The following SPON2 variants were observed in gnomAD, a reference collection of about 807,000 sequenced individuals.
SPON2 encodes spondin-2.
A neutral mutation model predicts 29.9 loss-of-function variants in SPON2; 32 were observed. The ratio of observed to expected loss-of-function variants is 1.07; its 90% CI spans 0.81 to 1.44. SPON2 has a LOEUF of 1.44. Among genes scored for constraint, SPON2 ranks in the 40% most tolerant of loss-of-function variants. The pLI is 0.00. For missense variants in SPON2, 541 were observed against 455.5 expected (o/e 1.19, Z -1.71); for synonymous variants, 248 against 209.1 (o/e 1.19, Z -1.61).
At chr4:1,188,202 CAAAAAAAAAAAA>C (rs1164276990) in intron 1 of SPON2, among the ~76,000 whole-genome samples, 6 of 36,582 alleles carry the variant, frequency 1.6e-4, no homozygotes, top group South Asian at 1.2e-3. Flanking sequence ...GACTCCGTCT[CAAAAAAAAAAAA>C]AAAAAAAAAA....
chr4:1,169,831 C>T (rs1303139117), intron 5 of SPON2: 1 of 159,532 alleles, frequency 6.3e-6, no homozygotes, highest in Non-Finnish European at 1.4e-5. Context: ...CACAGGCGCT[C>T]CGTGAGGCCA....
upstream of SPON2, among the ~76,000 whole-genome samples, chr4:1,178,174 C>G (rs1163307117): frequency 6.9e-6 from 1 of 145,614 alleles, no homozygotes; most frequent in Non-Finnish European, 1.5e-5. Context: ...CCAGGCACCA[C>G]GGGCTCTGCA....
At chr4:1,203,712 A>G (rs527454457) in intron 1 of SPON2, among the ~76,000 whole-genome samples, 17 of 151,964 alleles carry the variant, frequency 1.1e-4, no homozygotes, top group Non-Finnish European at 2.1e-4. Flanking sequence ...CCGCCCTGAC[A>G]CCTATGATGC....
At chr4:1,185,599 T>C (rs558690068) in intron 1 of SPON2, among the ~76,000 whole-genome samples, 10 of 149,810 alleles carry the variant, frequency 6.7e-5, no homozygotes, top group African/African-American at 2.2e-4. Flanking sequence ...TCCCAGCCAC[T>C]TGGGAGGCTG....
chr4:1,195,426 G>A (rs1223077018), upstream of SPON2, among the ~76,000 whole-genome samples: 10 of 151,430 alleles, frequency 6.6e-5, no homozygotes, highest in African/African-American at 9.7e-5. Flanking sequence ...CTCACAGGCC[G>A]GCCAGCTTCC....
At chr4:1,192,865 A>C (rs898509833) in intron 1 of SPON2, among the ~76,000 whole-genome samples, 1 of 152,200 alleles carries the variant, frequency 6.6e-6, no homozygotes, top group African/African-American at 2.4e-5. Flanking sequence ...TCCAGCAGCC[A>C]GGGGCCCTCA....
Position 1,200,710 on chromosome 4 carries a change from G to A in SPON2, c.-234+7170C>T, listed in dbSNP as rs945099280. Reference sequence around the variant, plus strand: ...ACCCTCACAACTCTCCCATCTGCGTGGACATCGCTGGACGGGGTGGTAAGG... The same window carrying A: ...ACCCTCACAACTCTCCCATCTGCGTAGACATCGCTGGACGGGGTGGTAAGG... On this transcript the variant is annotated intron_variant, in intron 1 of 3. Transcript: ENST00000509233. 6.9e-5 allele frequency: 29 copies of A among 421,088 alleles called. No homozygotes were observed. The Admixed American group carries it at 7.4e-4, about 11-fold the overall frequency. 26.1% of individuals were successfully genotyped at this position (421,088 alleles called of 1,614,324 possible).
intron 5 of SPON2, 118 bp downstream of exon 5, chr4:1,170,284 A>C: frequency 1.1e-6 from 1 of 906,212 alleles, no homozygotes; most frequent in South Asian, 1.5e-5. Flanking sequence ...ACCATCTTGC[A>C]GTACGCACTA....
exon 1 of SPON2, chr4:1,194,991 T>TCCG (rs1314789747): frequency 4.0e-5 from 3 of 74,230 alleles, no homozygotes; most frequent in South Asian, 4.9e-4. Context: ...CGGCCTCACC[T>TCCG]CACAGCCGGC....
At chr4:1,196,074 C>G (rs933603133), upstream of SPON2, among the ~76,000 whole-genome samples, 3 of 152,220 alleles carry the variant, frequency 2.0e-5, no homozygotes, top group African/African-American at 4.8e-5. Context: ...GGACCGCCCC[C>G]TCTGGCTGCC....
intron 1 of SPON2, among the ~76,000 whole-genome samples, chr4:1,205,691 G>A (rs904666263): frequency 2.0e-5 from 3 of 152,128 alleles, no homozygotes; most frequent in African/African-American, 7.2e-5. Context: ...TTGATCAGGG[G>A]AGATGCTGGC....
At chr4:1,200,947 C>G (rs1728186322) in intron 1 of SPON2, 1 of 456,770 alleles carries the variant, frequency 2.2e-6, no homozygotes. Context: ...CCTCCTGGCT[C>G]TGTTGCAGCA....
intron 1 of SPON2, among the ~76,000 whole-genome samples, chr4:1,185,920 C>T (rs927181127): frequency 3.9e-5 from 6 of 151,956 alleles, no homozygotes; most frequent in Non-Finnish European, 8.8e-5. Flanking sequence ...ACAAAGTGGA[C>T]GTCATGAAAA....
At chr4:1,170,772 C>A (rs953462632) in intron 4 of SPON2, 196 bp from the exon 5 acceptor site, 2 of 941,724 alleles carry the variant, frequency 2.1e-6, no homozygotes, top group Non-Finnish European at 3.3e-6. Context: ...GCAGCCTCCT[C>A]GGGACGCGCG....
intron 1 of SPON2, among the ~76,000 whole-genome samples, chr4:1,206,218 G>A (rs1340141963): frequency 2.6e-5 from 4 of 152,160 alleles, no homozygotes; most frequent in Non-Finnish European, 4.4e-5. Context: ...GGGAGCCAGC[G>A]GGCAGCAGCT....
At chr4:1,174,912 C>T (rs902636341), upstream of SPON2, among the ~76,000 whole-genome samples, 2 of 152,192 alleles carry the variant, frequency 1.3e-5, no homozygotes, top group African/African-American at 4.8e-5. Context: ...CCTGCTCTGG[C>T]CTGCAGCCCT....
intron 1 of SPON2, among the ~76,000 whole-genome samples, chr4:1,204,542 C>T (rs1022122384): frequency 1.3e-5 from 2 of 152,224 alleles, no homozygotes; most frequent in African/African-American, 2.4e-5. Context: ...CAGCTCCACA[C>T]GGGGCTCCCT....
intron 1 of SPON2, among the ~76,000 whole-genome samples, chr4:1,206,667 G>A (rs920378447): frequency 4.6e-5 from 7 of 152,314 alleles, no homozygotes; most frequent in East Asian, 1.9e-4. Flanking sequence ...CTCTGCAGGC[G>A]GAGAGGGGAG....
intron 1 of SPON2, among the ~76,000 whole-genome samples, chr4:1,190,728 C>A (rs1560208979): frequency 6.6e-6 from 1 of 151,994 alleles, no homozygotes; most frequent in African/African-American, 2.4e-5. Flanking sequence ...GAAATCCATG[C>A]AAAAACATTG....
Sources: gnomAD v4.1 joint callset for allele counts (sites outside exome capture counted in the v4.1 genomes callset) on GRCh38, gnomAD v4.1.1 for gene constraint, MANE v1.5 for transcripts, NCBI Gene and HGNC (gene_info 2026-07-23, HGNC 2026-07-21) for gene names.